The following SLC44A5 variants were observed in gnomAD, a reference collection of about 807,000 sequenced individuals.
The protein encoded by SLC44A5 is choline transporter-like protein 5.
Under a neutral mutation model 101.8 loss-of-function variants are expected in SLC44A5, and 57 were observed. The ratio of observed to expected loss-of-function variants is 0.56; its 90% confidence interval spans 0.45 to 0.70. SLC44A5 has a LOEUF of 0.70. SLC44A5 is among the 30% of genes least tolerant of loss of function. The probability of loss-of-function intolerance (pLI) is 0.00; values close to 1 mark genes in which losing one functional copy is unlikely to be tolerated. For synonymous variants in SLC44A5, 281 were observed against 290.9 expected (o/e 0.97, Z 0.35); for missense variants, 737 against 853.1 (o/e 0.86, Z 1.70).
chr1:75,476,054 G>T (rs145695749), intron 2 of SLC44A5, among the ~76,000 whole-genome samples: 1 of 152,070 alleles, frequency 6.6e-6, no homozygotes, highest in African/African-American at 2.4e-5. Context: ...ATGGTGGTGC[G>T]CACCTGTAAT....
intron 3 of SLC44A5, among the ~76,000 whole-genome samples, chr1:75,354,674 G>T (rs1209982909): frequency 1.3e-5 from 2 of 152,250 alleles, no homozygotes; most frequent in East Asian, 1.9e-4. Context: ...CTGGTGTTGG[G>T]TCTGATCACT....
At chr1:75,660,302 T>C in the SLC44A5 span, among the ~76,000 whole-genome samples, 2 of 152,142 alleles carry the variant, frequency 1.3e-5, no homozygotes, top group Non-Finnish European at 1.5e-5. Flanking sequence ...ATGAAAACAT[T>C]TGACAAACTG....
chr1:75,435,890 C>T (rs1416069112), intron 2 of SLC44A5, among the ~76,000 whole-genome samples: 3 of 152,032 alleles, frequency 2.0e-5, no homozygotes, highest in African/African-American at 4.8e-5. Flanking sequence ...TATACACACA[C>T]ATACACATGC....
chr1:75,646,849 A>G, the SLC44A5 span, among the ~76,000 whole-genome samples: 8 of 152,308 alleles, frequency 5.3e-5, no homozygotes, highest in African/African-American at 1.9e-4. Context: ...TAGCTGGCAG[A>G]AGAAATTTCT....
At position 75,240,913 on chromosome 1, in the gene SLC44A5, T is replaced by G. The variant is rs574584259; in HGVS notation, c.532+1088A>C. On this transcript the variant is annotated intron_variant, in intron 9 of 23. Transcript: ENST00000370859. ...AATCTTTTTCTTTGAAGAGGTTTTC[T>G]TGTGGTTATTTATTTGTTTGTTTTA... Among the ~76,000 whole-genome samples the G allele has an allele frequency of 3.3e-5, 5 of 152,236 alleles. No individual in the cohort carries two copies. In the East Asian group the frequency reaches 9.7e-4, roughly 29 times the overall value.
At chr1:75,403,462 G>T (rs1021564308) in intron 2 of SLC44A5, among the ~76,000 whole-genome samples, 1 of 152,120 alleles carries the variant, frequency 6.6e-6, no homozygotes, top group Non-Finnish European at 1.5e-5. Context: ...GCTGGCATCT[G>T]GCTGGTGCCC....
Position 75,243,023 on chromosome 1 carries a change from CAA to C in SLC44A5, c.346-14_346-13del, listed in dbSNP as rs760119160. The stretch of plus-strand genomic sequence containing the variant: ...TTGGAGACACAGATCTGTGAACGAA[CAA>C]AGTGATGAGAACTGAACTGAGTTGA... On this transcript the variant is annotated splice_polypyrimidine_tract_variant and intron_variant, in intron 7 of 23. Transcript: ENST00000370859. 16 of 1,608,068 alleles carry C rather than the reference CAA, an allele frequency of 9.9e-6. No homozygotes were observed. The highest frequency in any genetic ancestry group is 1.4e-5 in the Non-Finnish European group (16 of 1,177,310).
intron 14 of SLC44A5, among the ~76,000 whole-genome samples, chr1:75,221,677 CA>C (rs1251824843): frequency 8.5e-5 from 13 of 152,250 alleles, no homozygotes; most frequent in Admixed American, 8.5e-4. Context: ...TTAATATGAA[CA>C]TATGACCCAG....
At chr1:75,704,685 G>A in the SLC44A5 span, among the ~76,000 whole-genome samples, 1 of 152,268 alleles carries the variant, frequency 6.6e-6, no homozygotes, top group Admixed American at 6.5e-5. Flanking sequence ...GAAGCATAGT[G>A]TACTACCTTG....
chr1:75,462,376 G>A (rs374701092), intron 2 of SLC44A5, among the ~76,000 whole-genome samples: 173 of 152,176 alleles, frequency 1.1e-3, no homozygotes, highest in Non-Finnish European at 1.5e-3. Flanking sequence ...CAACACTTAC[G>A]TCTTTTAGAA....
At chr1:75,613,715 A>G (rs74088917), upstream of SLC44A5, among the ~76,000 whole-genome samples, 28,138 of 152,164 alleles carry the variant, frequency 0.18, 2,962 homozygotes, top group Middle Eastern at 0.29. Flanking sequence ...TTGATTATTA[A>G]TCCTTCCAGA....
At chr1:75,214,024 G>A (rs1448557677) in intron 20 of SLC44A5, 35 bp from the exon 21 acceptor site, 1 of 1,313,734 alleles carries the variant, frequency 7.6e-7, no homozygotes, top group African/African-American at 1.5e-5. Flanking sequence ...ATAATTCTGT[G>A]TTTAAAATAT....
intron 1 of SLC44A5, among the ~76,000 whole-genome samples, chr1:75,568,498 T>C (rs116312255): frequency 0.015 from 2,319 of 152,266 alleles, 61 homozygotes; most frequent in African/African-American, 0.053. Context: ...ACAGGCCTTT[T>C]TTTCTTTCTT....
intron 1 of SLC44A5, among the ~76,000 whole-genome samples, chr1:75,598,000 A>G (rs1366179067): frequency 6.6e-6 from 1 of 152,182 alleles, no homozygotes; most frequent in African/African-American, 2.4e-5. Flanking sequence ...CAGAGTAAAA[A>G]GAAAACCTAG....
At chr1:75,608,142 C>A (rs1246181124) in intron 1 of SLC44A5, among the ~76,000 whole-genome samples, 3 of 151,628 alleles carry the variant, frequency 2.0e-5, no homozygotes, top group Non-Finnish European at 4.4e-5. Context: ...ATAAAGTCCT[C>A]CAGGTTTATC....
chr1:75,312,063 A>C (rs1194020011), intron 4 of SLC44A5, among the ~76,000 whole-genome samples: 2 of 152,106 alleles, frequency 1.3e-5, no homozygotes, highest in Admixed American at 6.5e-5. Flanking sequence ...TCATGGGGGC[A>C]GTTTCCCCCA....
chr1:75,540,103 A>G (rs964971239), intron 2 of SLC44A5, among the ~76,000 whole-genome samples: 1 of 152,226 alleles, frequency 6.6e-6, no homozygotes, highest in Non-Finnish European at 1.5e-5. Flanking sequence ...GTAATTCTAT[A>G]TTAAATTCAC....
At chr1:75,636,978 C>A in the SLC44A5 span, among the ~76,000 whole-genome samples, 2 of 151,930 alleles carry the variant, frequency 1.3e-5, no homozygotes, top group Non-Finnish European at 2.9e-5. Context: ...TAAAGATATT[C>A]ATCAAATTAT....
intron 2 of SLC44A5, among the ~76,000 whole-genome samples, chr1:75,489,153 A>G (rs1183617629): frequency 6.6e-6 from 1 of 152,172 alleles, no homozygotes; most frequent in African/African-American, 2.4e-5. Context: ...ATACTATGAT[A>G]GCTGTTCTCC....
Sources: gnomAD v4.1 joint callset for allele counts (sites outside exome capture counted in the v4.1 genomes callset) on GRCh38, gnomAD v4.1.1 for gene constraint, MANE v1.5 for transcripts, NCBI Gene and HGNC (gene_info 2026-07-23, HGNC 2026-07-21) for gene names.